The following C20orf96 variants were observed in gnomAD, a reference collection of about 807,000 sequenced individuals.
C20orf96 encodes chromosome 20 open reading frame 96.
Under a neutral mutation model 52.6 loss-of-function variants are expected in C20orf96, and 57 were observed. The observed-to-expected ratio is 1.08, with a 90% CI of 0.88 to 1.35. C20orf96 has a LOEUF of 1.35. C20orf96 is among the 40% of genes most tolerant of loss of function. The probability of loss-of-function intolerance (pLI) is 0.00; values close to 1 mark genes in which losing one functional copy is unlikely to be tolerated. For synonymous variants in C20orf96, 168 were observed against 157.2 expected (o/e 1.07, Z -0.51); for missense variants, 478 against 443.6 (o/e 1.08, Z -0.70).
At chr20:283,890 A>C (rs2012313809) in intron 4 of C20orf96, 73 bp downstream of exon 4, 1 of 1,064,582 alleles carries the variant, frequency 9.4e-7, no homozygotes, top group Non-Finnish European at 1.5e-6. Context: ...CAAAGTTCTC[A>C]GCACATGTTT....
intron 6 of C20orf96, among the ~76,000 whole-genome samples, chr20:277,824 T>C (rs1440773447): frequency 6.6e-6 from 1 of 151,834 alleles, no homozygotes; most frequent in Non-Finnish European, 1.5e-5. Flanking sequence ...ATGTCTGGGG[T>C]TGACTGATCC....
At chr20:278,159 TAA>T (rs1247596729) in intron 6 of C20orf96, among the ~76,000 whole-genome samples, 169 bp downstream of exon 6, 1 of 152,170 alleles carries the variant, frequency 6.6e-6, no homozygotes, top group Non-Finnish European at 1.5e-5. Flanking sequence ...TGGAAAGAGC[TAA>T]GTGTTGGGTA....
rs376791854 is a variant in C20orf96, at chr20:284,079, A to T, written c.190T>A (p.Phe64Ile). Residue 64 changes from phenylalanine to isoleucine, a missense_variant and splice_region_variant, in exon 4 of 11, where the codon TTT (phenylalanine) becomes ATT (isoleucine). Coordinates refer to ENST00000360321, the MANE Select transcript of C20orf96 (RefSeq NM_153269.3). Reference protein sequence around the residue: ...MKTLTRVQPVFHFKPTTVVTS... With the variant: ...MKTLTRVQPVIHFKPTTVVTS... ...ACCACCGTAGTGGGCTTGAAGTGAAACACTAGGGGTAGACAGGAAAGGACA... is the reference window on the plus strand; with the variant it reads ...ACCACCGTAGTGGGCTTGAAGTGAATCACTAGGGGTAGACAGGAAAGGACA... 1.5e-5 allele frequency: 24 copies of T among 1,612,648 alleles called. No individual in the cohort carries two copies. The highest frequency in any genetic ancestry group is 2.0e-5 in the Non-Finnish European group (24 of 1,178,808).
intron 6 of C20orf96, 50 bp from the exon 7 acceptor site, chr20:277,433 TCAAGCACCTGGGCC>T: frequency 6.2e-7 from 1 of 1,600,872 alleles, no homozygotes; most frequent in Non-Finnish European, 8.5e-7. Flanking sequence ...AGACCTTCCC[TCAAGCACCTGGGCC>T]CCAGGAGGCC....
chr20:281,485 TTCC>T (rs564002380), intron 4 of C20orf96, among the ~76,000 whole-genome samples: 120 of 152,350 alleles, frequency 7.9e-4, no homozygotes, highest in African/African-American at 2.6e-3. Flanking sequence ...GTTCCTGTAC[TTCC>T]TCATTTCTCC....
chr20:275,562 G>C (rs2011991381), intron 10 of C20orf96, among the ~76,000 whole-genome samples: 1 of 152,218 alleles, frequency 6.6e-6, no homozygotes, highest in Non-Finnish European at 1.5e-5. Flanking sequence ...CTGGGGCCCA[G>C]AAACCTGCCA....
At chr20:282,542 C>G (rs912950660) in intron 4 of C20orf96, among the ~76,000 whole-genome samples, 1 of 152,152 alleles carries the variant, frequency 6.6e-6, no homozygotes, top group African/African-American at 2.4e-5. Flanking sequence ...CTACATCAAT[C>G]AAAAACACCT....
At position 287,367 on chromosome 20, in the gene C20orf96, G is replaced by A. The variant is rs1176025300; in HGVS notation, c.187+2192C>T. Among the ~76,000 whole-genome samples the A allele has an allele frequency of 4.6e-5, 7 of 152,308 alleles. No homozygotes were observed. The South Asian group carries it at 1.0e-3, about 23-fold the overall frequency. Reference sequence around the variant, plus strand: ...TTTTATTTTAGCCATTTCGATAGGTGTGCAGTGATATCTCACTGTGGCTTA... The same window carrying A: ...TTTTATTTTAGCCATTTCGATAGGTATGCAGTGATATCTCACTGTGGCTTA... On this transcript the variant is annotated intron_variant, in intron 3 of 10. Coordinates refer to ENST00000360321, the MANE Select transcript of C20orf96 (RefSeq NM_153269.3).
intron 4 of C20orf96, among the ~76,000 whole-genome samples, chr20:283,585 T>C (rs868769618): frequency 2.0e-5 from 3 of 152,106 alleles, no homozygotes; most frequent in Non-Finnish European, 4.4e-5. Flanking sequence ...ATTATAGGCA[T>C]GAGCCACCAC....
chr20:278,547 G>A, intron 5 of C20orf96, 118 bp from the exon 6 acceptor site: 1 of 751,200 alleles, frequency 1.3e-6, no homozygotes, highest in South Asian at 1.4e-5. Context: ...CCTGACCAGA[G>A]GCTAATCGGG....
intron 3 of C20orf96, among the ~76,000 whole-genome samples, chr20:289,235 C>A (rs1195650646): frequency 2.0e-5 from 3 of 147,002 alleles, no homozygotes; most frequent in Non-Finnish European, 4.5e-5. Flanking sequence ...TGTCCATGTT[C>A]TTGTTCTCTC....
At chr20:282,017 C>T (rs1184937688) in intron 4 of C20orf96, among the ~76,000 whole-genome samples, 2 of 152,194 alleles carry the variant, frequency 1.3e-5, no homozygotes, top group Non-Finnish European at 2.9e-5. Context: ...TATTCAAGGT[C>T]ACACATAGCA....
At chr20:287,119 G>A (rs941606595) in intron 3 of C20orf96, among the ~76,000 whole-genome samples, 1 of 152,216 alleles carries the variant, frequency 6.6e-6, no homozygotes, top group Non-Finnish European at 1.5e-5. Context: ...AGGCTGCTAT[G>A]AACATTCACA....
At chr20:276,607 G>C (rs913051054) in intron 9 of C20orf96, 186 bp downstream of exon 9, 1 of 985,406 alleles carries the variant, frequency 1.0e-6, no homozygotes, top group Non-Finnish European at 1.2e-6. Context: ...GCCTAGGTCA[G>C]TGCCAATCGC....
chr20:276,684 A>G, intron 9 of C20orf96, 109 bp downstream of exon 9: 1 of 1,513,856 alleles, frequency 6.6e-7, no homozygotes, highest in Non-Finnish European at 8.9e-7. Flanking sequence ...CCAGAGTCAG[A>G]GACCTCCTGA....
At chr20:281,518 C>A (rs1568492538) in intron 4 of C20orf96, among the ~76,000 whole-genome samples, 1 of 152,212 alleles carries the variant, frequency 6.6e-6, no homozygotes, top group African/African-American at 2.4e-5. Flanking sequence ...TAAAAACGAC[C>A]CCTTCCTAGC....
chr20:276,119 G>A (rs2012014286), intron 9 of C20orf96, 33 bp from the exon 10 acceptor site: 2 of 1,611,990 alleles, frequency 1.2e-6, no homozygotes, highest in Non-Finnish European at 1.7e-6. Flanking sequence ...GGAGAAGGGA[G>A]AGGCAAATGG....
chr20:278,285 A>C (rs776051838), intron 6 of C20orf96, 45 bp downstream of exon 6: 1 of 1,428,200 alleles, frequency 7.0e-7, no homozygotes, highest in East Asian at 2.3e-5. Flanking sequence ...TGACCTCCCC[A>C]AGGTGCCAGG....
intron 4 of C20orf96, 79 bp from the exon 5 acceptor site, chr20:279,409 C>T: frequency 7.0e-7 from 1 of 1,436,896 alleles, no homozygotes; most frequent in South Asian, 1.4e-5. Context: ...GGACCCGCCG[C>T]CCCGGCCCCG....
Sources: allele counts gnomAD v4.1 joint callset (sites outside exome capture counted in the v4.1 genomes callset), GRCh38; gene constraint gnomAD v4.1.1; transcripts MANE v1.5; gene names NCBI Gene and HGNC (gene_info 2026-07-23, HGNC 2026-07-21).